LGALS13: variants seen among roughly 807,000 people sequenced by gnomAD.
The protein encoded by LGALS13 is galactoside-binding soluble lectin 13.
In LGALS13, 11 loss-of-function variants were observed where a neutral mutation model predicts 13.2. The ratio of observed to expected loss-of-function variants is 0.83; its 90% CI spans 0.52 to 1.38. The LOEUF (loss-of-function observed/expected upper bound fraction) is 1.38. Among genes scored for constraint, LGALS13 ranks in the 40% most tolerant of loss-of-function variants. LGALS13 has a pLI of 0.00. For synonymous variants in LGALS13, 71 were observed against 63.7 expected (o/e 1.11, Z -0.54); for missense variants, 183 against 174.3 (o/e 1.05, Z -0.28).
At chr19:39,605,448 C>A (rs76628696) in intron 3 of LGALS13, 60 bp downstream of exon 3, 1 of 1,401,824 alleles carries the variant, frequency 7.1e-7, no homozygotes, top group African/African-American at 1.4e-5. Context: ...CAGGAGGCAG[C>A]TCTCATTGAT....
In LGALS13 at chr19:39,605,261, G is replaced by T. The variant is rs138148689; in HGVS notation, c.176G>T (p.Gly59Val). The change falls in exon 3 of 4, where the codon GGC (glycine) becomes GTC (valine). Residue 59 changes from glycine to valine, a missense_variant. Physicochemically the swap from Gly to Val is moderately radical, Grantham distance 109. Transcript: ENST00000221797. ...GCCTTCCGTTTCCGAGTGCACTTTG[G>T]CAATCATGTGGTCATGAACAGGCGT... is the stretch of plus-strand genomic sequence containing the variant. Reference protein sequence around the residue: ...DIAFRFRVHFGNHVVMNRREF... With the variant: ...DIAFRFRVHFVNHVVMNRREF... The T allele has an allele frequency of 1.9e-4, 305 of 1,614,066 alleles. No homozygotes were observed. The highest frequency in any genetic ancestry group is 2.3e-4 in the Non-Finnish European group (268 of 1,180,026).
rs2144829766 is a variant in LGALS13 at position 39,605,280 on chromosome 19, C to A, written c.195C>A (p.Asn65Lys). ...RVHFGNHVVM[N>K]RREFGIWMLE... ...ACTTTGGCAATCATGTGGTCATGAA[C>A]AGGCGTGAGTTTGGGATATGGATGT... The change falls in exon 3 of 4, where the codon AAC becomes AAA. Residue 65 changes from asparagine (N) to lysine (K), a missense_variant. Transcript: ENST00000221797. The A allele has an allele frequency of 6.2e-7, 1 of 1,614,158 alleles. No individual in the cohort carries two copies. The highest frequency in any genetic ancestry group is 2.2e-5 in the East Asian group (1 of 44,882).
intron 1 of LGALS13, chr19:39,603,852 A>C (rs1414668744): frequency 1.2e-6 from 1 of 823,476 alleles, no homozygotes; most frequent in Non-Finnish European, 1.5e-6. Context: ...AACCTATCTC[A>C]AAAGTACAGA....
chr19:39,603,739 T>C (rs1972637098), intron 1 of LGALS13, among the ~76,000 whole-genome samples: 1 of 152,084 alleles, frequency 6.6e-6, no homozygotes, highest in Non-Finnish European at 1.5e-5. Context: ...TTCCCAGCTA[T>C]TCAAGAGGGA....
intron 1 of LGALS13, 71 bp from the exon 2 acceptor site, chr19:39,604,531 T>C (rs1288219370): frequency 1.7e-5 from 26 of 1,542,136 alleles, no homozygotes; most frequent in Non-Finnish European, 2.3e-5. Context: ...TCCTGCACCA[T>C]GAGAATATGT....
intron 1 of LGALS13, chr19:39,603,922 C>T (rs1339556240): frequency 1.0e-6 from 1 of 984,558 alleles, no homozygotes; most frequent in Non-Finnish European, 1.2e-6. Flanking sequence ...CAGTTATGTC[C>T]CTGACCCACA....
intron 3 of LGALS13, among the ~76,000 whole-genome samples, chr19:39,606,859 C>T (rs1246025167): frequency 3.3e-5 from 5 of 152,156 alleles, no homozygotes; most frequent in Admixed American, 6.5e-5. Context: ...ATGCATTCAA[C>T]GAACATGGTC....
At position 39,605,362 on chromosome 19, in the gene LGALS13, A is replaced by G; in HGVS notation, c.277A>G (p.Ile93Val). The change falls in exon 3 of 4, where the codon ATC (isoleucine) becomes GTC (valine). Residue 93 changes from isoleucine (I) to valine (V), a missense_variant. Coordinates refer to ENST00000221797, the MANE Select transcript of LGALS13 (RefSeq NM_013268.3). ...FEDGKQFELC[I>V]YVHYNEYEIK... Reference sequence around the variant, plus strand: ...GGATGGCAAACAATTTGAGCTGTGCATCTACGTACATTACAATGAGTATGA... The same window carrying G: ...GGATGGCAAACAATTTGAGCTGTGCGTCTACGTACATTACAATGAGTATGA... 1 of 1,614,196 alleles carries G rather than the reference A, an allele frequency of 6.2e-7. No individual in the cohort carries two copies. The highest frequency in any genetic ancestry group is 8.5e-7 in the Non-Finnish European group (1 of 1,180,022).
At chr19:39,605,939 T>G (rs1326439631) in intron 3 of LGALS13, among the ~76,000 whole-genome samples, 1 of 152,176 alleles carries the variant, frequency 6.6e-6, no homozygotes, top group East Asian at 1.9e-4. Flanking sequence ...CTCCACCTCC[T>G]GGATTCAAAC....
rs1161130472 is a variant in LGALS13 at position 39,607,320 on chromosome 19, CAG to C, written c.402_403del (p.Val137LeufsTer28). 3.4e-5 allele frequency: 54 copies of C among 1,610,850 alleles called. No homozygotes were observed. The East Asian group carries it at 1.2e-3, about 35-fold the overall frequency. On this transcript the variant is annotated frameshift_variant, in exon 4 of 4. Coordinates refer to ENST00000221797, the MANE Select transcript of LGALS13 (RefSeq NM_013268.3). LOFTEE classifies it high-confidence loss of function. ...GTGTCGAGAGATATCTCCCTGACCT[CAG>C]TGTGTGTCTGCAATTGAGGGAGATG...
chr19:39,603,200 A>T (rs188086074), intron 1 of LGALS13, among the ~76,000 whole-genome samples: 67 of 152,236 alleles, frequency 4.4e-4, no homozygotes, highest in Admixed American at 1.6e-3. Flanking sequence ...CTTATTTCAG[A>T]TCACTTGTGA....
At chr19:39,605,986 ACAGGTGTGTGCCAG>A (rs1483069639) in intron 3 of LGALS13, among the ~76,000 whole-genome samples, 4 of 152,138 alleles carry the variant, frequency 2.6e-5, no homozygotes, top group Non-Finnish European at 5.9e-5. Context: ...AGCTGGGACT[ACAGGTGTGTGCCAG>A]CACACCTGGC....
intron 3 of LGALS13, 112 bp downstream of exon 3, chr19:39,605,500 T>G (rs1199305018): frequency 1.2e-6 from 1 of 849,972 alleles, no homozygotes; most frequent in Non-Finnish European, 1.9e-6. Context: ...CCATAACTAC[T>G]CCTGCCCCTG....
At chr19:39,605,433 C>T (rs980149817) in intron 3 of LGALS13, 45 bp downstream of exon 3, 1 of 1,508,112 alleles carries the variant, frequency 6.6e-7, no homozygotes, top group Admixed American at 1.7e-5. Context: ...TGTGGGCTCC[C>T]AAAACAGGAG....
intron 1 of LGALS13, among the ~76,000 whole-genome samples, chr19:39,604,245 C>A (rs986232508): frequency 6.6e-6 from 1 of 152,260 alleles, no homozygotes; most frequent in Non-Finnish European, 1.5e-5. Flanking sequence ...TAGGGTAACA[C>A]TTTTACATGT....
intron 3 of LGALS13, among the ~76,000 whole-genome samples, chr19:39,606,187 T>C (rs536583014): frequency 6.6e-6 from 1 of 152,336 alleles, no homozygotes; most frequent in African/African-American, 2.4e-5. Flanking sequence ...TATAGATATG[T>C]CTATGATTTC....
chr19:39,603,431 G>A (rs769564170), intron 1 of LGALS13, among the ~76,000 whole-genome samples: 11 of 151,830 alleles, frequency 7.2e-5, no homozygotes, highest in South Asian at 6.2e-4. Flanking sequence ...ATTAGAGGCC[G>A]TGATTTCAGA....
rs947392856 is a variant in LGALS13, at chr19:39,604,522, C to G, written c.16-80C>G. The G allele has an allele frequency of 5.3e-6, 8 of 1,514,938 alleles. No homozygotes were observed. The African/African-American group carries it at 1.1e-4, about 21-fold the overall frequency. The allele number at this position is 1,514,938 out of a possible 1,614,324, so 93.8% of individuals were successfully genotyped here. A position where few individuals can be genotyped will look rare whatever the true frequency, so the allele number is the denominator to read the frequency against. ...GAGTCTGCCCTTTCATCTCCAACCTCCTGCACCATGAGAATATGTTACAGG... is the reference window on the plus strand; with the variant it reads ...GAGTCTGCCCTTTCATCTCCAACCTGCTGCACCATGAGAATATGTTACAGG... On this transcript the variant is annotated intron_variant, in intron 1 of 3. Transcript: ENST00000221797.
intron 2 of LGALS13, 189 bp from the exon 3 acceptor site, chr19:39,604,989 G>C (rs1017894703): frequency 8.8e-6 from 6 of 685,180 alleles, no homozygotes; most frequent in Non-Finnish European, 1.3e-5. Flanking sequence ...TTTCATCTGG[G>C]GATGAGGAGC....
Sources: allele counts gnomAD v4.1 joint callset (sites outside exome capture counted in the v4.1 genomes callset), GRCh38; gene constraint gnomAD v4.1.1; transcripts MANE v1.5; gene names NCBI Gene and HGNC (gene_info 2026-07-23, HGNC 2026-07-21).